The following KCNS3 variants were observed in gnomAD, a reference collection of about 807,000 sequenced individuals.
KCNS3 encodes delayed-rectifier potassium channel regulatory subunit KCNS3.
A neutral mutation model predicts 31.0 loss-of-function variants in KCNS3; 13 were observed. The observed-to-expected ratio is 0.42, with a 90% CI of 0.27 to 0.67. KCNS3 has a LOEUF of 0.67. Among genes scored for constraint, KCNS3 ranks in the 30% least tolerant of loss-of-function variants. The pLI is 0.25. For synonymous variants in KCNS3, 238 were observed against 241.5 expected, an observed-to-expected ratio of 0.99 and a Z score of 0.13; for missense variants, 545 against 622.4, an observed-to-expected ratio of 0.88 and a Z score of 1.32.
In KCNS3 at chr2:17,882,982, T is replaced by C. The variant is rs1205106680; in HGVS notation, c.-252+4176T>C. On this transcript the variant is annotated intron_variant, in intron 1 of 2. Coordinates refer to ENST00000304101, the MANE Select transcript of KCNS3 (RefSeq NM_002252.5). ...GTATTTTTCTTGTGGGCAAGAGGTC[T>C]CATTCTCTTTGGAATCCTGCACAGC... Among the ~76,000 whole-genome samples, 3 of 152,222 alleles carry C rather than the reference T, an allele frequency of 2.0e-5. No individual in the cohort carries two copies. The East Asian group carries it at 5.8e-4, about 29-fold the overall frequency.
At chr2:17,921,544 T>C (rs1662702036) in intron 2 of KCNS3, among the ~76,000 whole-genome samples, 1 of 152,196 alleles carries the variant, frequency 6.6e-6, no homozygotes, top group Non-Finnish European at 1.5e-5. Context: ...TACGTGAGAC[T>C]GAATAATTTA....
At chr2:17,890,080 A>T (rs1390362052) in intron 1 of KCNS3, among the ~76,000 whole-genome samples, 1 of 151,962 alleles carries the variant, frequency 6.6e-6, no homozygotes, top group Non-Finnish European at 1.5e-5. Flanking sequence ...GCAATTTAAA[A>T]ATTACCATTT....
At chr2:17,899,996 GATGTGCCTCCCCAGT>G (rs1175494494) in intron 1 of KCNS3, among the ~76,000 whole-genome samples, 4 of 152,154 alleles carry the variant, frequency 2.6e-5, no homozygotes, top group African/African-American at 9.7e-5. Flanking sequence ...CAAAGAGTAC[GATGTGCCTCCCCAGT>G]ATGGGGCTCA....
In KCNS3 at chr2:17,931,665, TCCGGTG is replaced by T; in HGVS notation, c.659_664del (p.Pro220_Val221del). ...AGAATGAGGATGGAGAAGTGGATGA[TCCGGTG>T]CTGGAAGGAGTGGAGATCGCGTGCA... On this transcript the variant is annotated inframe_deletion, in exon 3 of 3. Transcript: ENST00000304101. The surrounding 1 kb of genome is among the most constrained non-coding windows in gnomAD (Gnocchi z 5.4). The T allele has an allele frequency of 1.2e-6, 2 of 1,614,162 alleles. No individual in the cohort carries two copies. The highest frequency in any genetic ancestry group is 1.7e-6 in the Non-Finnish European group (2 of 1,180,030).
At position 17,890,605 on chromosome 2, in the gene KCNS3, A is replaced by G. The variant is rs552934719; in HGVS notation, c.-252+11799A>G. Among the ~76,000 whole-genome samples the G allele has an allele frequency of 1.1e-3, 170 of 152,248 alleles. 1 individual carries two copies. Among genetic ancestry groups the G allele is most frequent in the African/African-American group, 3.8e-3 (158 of 41,562 alleles). On this transcript the variant is annotated intron_variant, in intron 1 of 2. Transcript: ENST00000304101. Reference sequence around the variant, plus strand: ...CTTAACACTGCCTTTGCTGTATCCCAGAGGTTTTGATAGTTTGTGTCATCA... The same window carrying G: ...CTTAACACTGCCTTTGCTGTATCCCGGAGGTTTTGATAGTTTGTGTCATCA...
At chr2:17,893,940 G>GTTTTTTTTTTTTTTTT (rs5829612) in intron 1 of KCNS3, among the ~76,000 whole-genome samples, 7 of 98,906 alleles carry the variant, frequency 7.1e-5, no homozygotes, top group African/African-American at 3.1e-4. Flanking sequence ...CCAGGAGCCA[G>GTTTTTTTTTTTTTTTT]TTTTTTTTTT....
intron 1 of KCNS3, among the ~76,000 whole-genome samples, chr2:17,879,919 G>T (rs1674605564): frequency 6.6e-6 from 1 of 152,182 alleles, no homozygotes; most frequent in Admixed American, 6.5e-5. Context: ...TCCTGCCGGA[G>T]AGTAGCTTTG....
rs148080922 is a variant in KCNS3, at chr2:17,932,486, C to A, written c.*2C>A. ...TTGGAGAATTGCACAGCAAAATGAG[C>A]GGGGGTGTTTGTGCCTGTTTCTCTT... On this transcript the variant is annotated 3_prime_UTR_variant, in exon 3 of 3. Transcript: ENST00000304101. The A allele has an allele frequency of 2.8e-5, 45 of 1,602,602 alleles. No homozygotes were observed. Among genetic ancestry groups the A allele is most frequent in the Admixed American group, 2.4e-4 (14 of 59,144 alleles).
chr2:17,893,054 C>T (rs972662801), intron 1 of KCNS3, among the ~76,000 whole-genome samples: 3 of 152,148 alleles, frequency 2.0e-5, no homozygotes, highest in Non-Finnish European at 2.9e-5. Flanking sequence ...GGGGGTAGGG[C>T]CAGGCACATG....
Position 17,931,442 on chromosome 2 carries a change from C to G in KCNS3, c.434C>G (p.Ser145Trp). The change falls in exon 3 of 3, where the codon TCG becomes TGG. Residue 145 changes from serine (S) to tryptophan (W), a missense_variant. Physicochemically the swap from Ser to Trp is radical, Grantham distance 177. Transcript: ENST00000304101. This position sits in a 1 kb window ranked among gnomAD's most constrained non-coding sequence, Gnocchi z 5.4. ...AGCCATGATGTGAGTACCGACTCCTCGTTTGAAGAGTCGTCTCTGTTTGAG... is the reference window on the plus strand; with the variant it reads ...AGCCATGATGTGAGTACCGACTCCTGGTTTGAAGAGTCGTCTCTGTTTGAG... ...QKSHDVSTDS[S>W]FEESSLFEKE... The G allele has an allele frequency of 6.2e-7, 1 of 1,614,116 alleles. No individual in the cohort carries two copies. Among genetic ancestry groups the G allele is most frequent in the African/African-American group, 1.3e-5 (1 of 75,016 alleles).
chr2:17,901,303 C>A (rs1252172761), intron 1 of KCNS3, among the ~76,000 whole-genome samples: 1 of 151,620 alleles, frequency 6.6e-6, no homozygotes, highest in Non-Finnish European at 1.5e-5. Flanking sequence ...TACCGAGTAT[C>A]TGGATTAAGG....
intron 1 of KCNS3, among the ~76,000 whole-genome samples, chr2:17,889,856 T>C (rs1464441056): frequency 6.6e-6 from 1 of 152,188 alleles, no homozygotes; most frequent in Non-Finnish European, 1.5e-5. Context: ...TTAGCATCTA[T>C]GTTCTTCAAG....
intron 1 of KCNS3, among the ~76,000 whole-genome samples, chr2:17,910,403 A>T (rs1387646193): frequency 2.0e-5 from 3 of 152,074 alleles, no homozygotes; most frequent in African/African-American, 7.2e-5. Flanking sequence ...GAAAATAAAT[A>T]TTTTTTTCTG....
intron 1 of KCNS3, among the ~76,000 whole-genome samples, chr2:17,884,716 C>A (rs970223410): frequency 1.3e-5 from 2 of 152,088 alleles, no homozygotes; most frequent in African/African-American, 4.8e-5. Context: ...GTGAGTCCAG[C>A]TCGTTGGTAA....
intron 1 of KCNS3, among the ~76,000 whole-genome samples, chr2:17,916,066 T>C (rs770208048): frequency 1.3e-5 from 2 of 152,232 alleles, no homozygotes; most frequent in Non-Finnish European, 2.9e-5. Flanking sequence ...CAATGAACTT[T>C]AGGCGGTGCT....
chr2:17,921,668 C>T (rs1454922169), intron 2 of KCNS3, among the ~76,000 whole-genome samples: 1 of 151,734 alleles, frequency 6.6e-6, no homozygotes, highest in Non-Finnish European at 1.5e-5. Context: ...CATAGTGAAG[C>T]AGGAGAGCGA....
At chr2:17,887,483 T>TGATCGATC (rs764257756) in intron 1 of KCNS3, among the ~76,000 whole-genome samples, 41 of 78,688 alleles carry the variant, frequency 5.2e-4, no homozygotes, top group African/African-American at 1.9e-3. Context: ...TTCTATCATA[T>TGATCGATC]GATCTATCTA....
intron 2 of KCNS3, among the ~76,000 whole-genome samples, chr2:17,928,737 A>G (rs1662891033): frequency 6.6e-6 from 1 of 151,888 alleles, no homozygotes; most frequent in African/African-American, 2.4e-5. Flanking sequence ...ACATAAGGGG[A>G]AAGAGATTCC....
intron 1 of KCNS3, among the ~76,000 whole-genome samples, chr2:17,917,122 T>A (rs1206783839): frequency 6.6e-6 from 1 of 152,142 alleles, no homozygotes; most frequent in Admixed American, 6.5e-5. Flanking sequence ...ACCACACACA[T>A]AAACTGTGAT....
Sources: gnomAD v4.1 joint callset for allele counts (sites outside exome capture counted in the v4.1 genomes callset) on GRCh38, gnomAD v4.1.1 for gene constraint, Gnocchi (gnomAD v3.1) non-coding constraint, MANE v1.5 for transcripts, NCBI Gene and HGNC (gene_info 2026-07-23, HGNC 2026-07-21) for gene names.